ASB7: variants seen among roughly 807,000 people sequenced by gnomAD.
ASB7 encodes the protein ankyrin repeat and SOCS box containing 7.
In ASB7, 4 loss-of-function variants were observed where a neutral mutation model predicts 32.5. That is an observed-to-expected ratio of 0.12 (90% confidence interval 0.06 to 0.28). The LOEUF is 0.28. Ranked by LOEUF, ASB7 falls within the 10% of genes least tolerant of loss-of-function variation. The pLI is 1.00. For missense variants in ASB7, 181 were observed against 407.1 expected, an observed-to-expected ratio of 0.44 and a Z score of 4.78; for synonymous variants, 172 against 155.6, an observed-to-expected ratio of 1.11 and a Z score of -0.78.
intron 4 of ASB7, among the ~76,000 whole-genome samples, chr15:100,615,956 A>G (rs117022893): frequency 0.016 from 2,488 of 152,322 alleles, 31 homozygotes; most frequent in Middle Eastern, 0.071. Flanking sequence ...ATCGTGTTAC[A>G]TTATGTGAGA....
chr15:100,646,143 A>G (rs2039995492), intron 5 of ASB7: 2 of 411,392 alleles, frequency 4.9e-6, no homozygotes, highest in African/African-American at 2.1e-5. Context: ...TTCTCTGGAC[A>G]TTCCACTCCC....
At chr15:100,624,480 A>G (rs1302729338) in intron 4 of ASB7, among the ~76,000 whole-genome samples, 1 of 152,248 alleles carries the variant, frequency 6.6e-6, no homozygotes, top group East Asian at 1.9e-4. Flanking sequence ...GGGATATGTC[A>G]CTACAGATCC....
intron 4 of ASB7, among the ~76,000 whole-genome samples, chr15:100,628,314 A>G (rs765913240): frequency 1.7e-4 from 26 of 152,240 alleles, no homozygotes; most frequent in Admixed American, 5.9e-4. Flanking sequence ...ACCATTTGTC[A>G]TAATATGTTC....
intron 2 of ASB7, among the ~76,000 whole-genome samples, 159 bp downstream of exon 2, chr15:100,603,472 C>T (rs2039591956): frequency 6.7e-6 from 1 of 149,468 alleles, no homozygotes; most frequent in African/African-American, 2.5e-5. Flanking sequence ...TTACCCGTGC[C>T]TGATACTTAA....
intron 2 of ASB7, among the ~76,000 whole-genome samples, chr15:100,607,426 G>A (rs556884905): frequency 6.6e-6 from 1 of 152,302 alleles, no homozygotes; most frequent in East Asian, 1.9e-4. Flanking sequence ...GAAATTACTT[G>A]TTGATGCTTT....
At position 100,649,627 on chromosome 15, in the gene ASB7, A is replaced by G. The variant is rs535867963; in HGVS notation, c.*1165A>G. ...AACATTTCCCATTTTAAGGTTATAT[A>G]CAGTGAGGCTCTTCAGGACAATTAT... is the stretch of plus-strand genomic sequence containing the variant. On this transcript the variant is annotated 3_prime_UTR_variant, in exon 6 of 6. Coordinates refer to ENST00000332783, the MANE Select transcript of ASB7 (RefSeq NM_198243.3). 2 of 152,364 alleles carry G rather than the reference A, an allele frequency of 1.3e-5. No individual in the cohort carries two copies. Among genetic ancestry groups the G allele is most frequent in the Admixed American group, 6.5e-5 (1 of 15,312 alleles). 9.4% of individuals were successfully genotyped at this position (152,364 alleles called of 1,614,324 possible). A position where few individuals can be genotyped will look rare whatever the true frequency, so the allele number is the denominator to read the frequency against.
chr15:100,628,957 C>T (rs1413690835), intron 4 of ASB7, among the ~76,000 whole-genome samples: 2 of 152,148 alleles, frequency 1.3e-5, no homozygotes, highest in Admixed American at 6.5e-5. Flanking sequence ...ACTTAATATA[C>T]CCTAAAACAA....
At chr15:100,608,752 C>T (rs895676814) in intron 2 of ASB7, among the ~76,000 whole-genome samples, 5 of 152,126 alleles carry the variant, frequency 3.3e-5, no homozygotes, top group Non-Finnish European at 7.3e-5. Flanking sequence ...GGCAAGTTGG[C>T]AAACTCTTTA....
intron 3 of ASB7, among the ~76,000 whole-genome samples, chr15:100,610,117 G>C (rs1409590998): frequency 6.6e-6 from 1 of 152,164 alleles, no homozygotes; most frequent in Non-Finnish European, 1.5e-5. Flanking sequence ...AACAGAATAA[G>C]CAAAAACCTA....
chr15:100,632,138 T>C (rs2039888239), intron 5 of ASB7, among the ~76,000 whole-genome samples: 1 of 152,214 alleles, frequency 6.6e-6, no homozygotes, highest in Admixed American at 6.5e-5. Context: ...ACTTTAAAAT[T>C]TGAGCAGATA....
intron 4 of ASB7, among the ~76,000 whole-genome samples, chr15:100,622,995 A>G (rs1385491222): frequency 6.6e-6 from 1 of 152,232 alleles, no homozygotes; most frequent in Non-Finnish European, 1.5e-5. Flanking sequence ...GAATGAAGAG[A>G]CAGCCTGTTG....
At chr15:100,634,465 G>A (rs1306191678) in intron 5 of ASB7, among the ~76,000 whole-genome samples, 1 of 152,172 alleles carries the variant, frequency 6.6e-6, no homozygotes, top group Non-Finnish European at 1.5e-5. Flanking sequence ...GGTAAGTACT[G>A]TTCTCACCGA....
At chr15:100,645,675 A>G (rs577139975) in intron 5 of ASB7, 78 of 1,462,418 alleles carry the variant, frequency 5.3e-5, no homozygotes, top group African/African-American at 5.3e-4. Flanking sequence ...AGGGACGGCA[A>G]CACGAAAGAA....
At chr15:100,631,858 G>GT (rs1383479256) in intron 5 of ASB7, among the ~76,000 whole-genome samples, 4 of 152,220 alleles carry the variant, frequency 2.6e-5, no homozygotes, top group African/African-American at 9.6e-5. Flanking sequence ...GGTGAAGTGT[G>GT]TAACTAATAA....
chr15:100,624,472 G>T (rs1392901001), intron 4 of ASB7, among the ~76,000 whole-genome samples: 3 of 152,168 alleles, frequency 2.0e-5, no homozygotes, highest in Non-Finnish European at 2.9e-5. Context: ...GAGTGGAAGG[G>T]ATATGTCACT....
intron 2 of ASB7, among the ~76,000 whole-genome samples, chr15:100,603,654 CCTTGTTAATTG>C (rs1285501687): frequency 6.6e-6 from 1 of 152,114 alleles, no homozygotes; most frequent in Admixed American, 6.5e-5. Flanking sequence ...TTCCTCAATT[CCTTGTTAATTG>C]CTTGTTAATT....
chr15:100,614,129 T>C lies in ASB7; in HGVS notation c.211+1702T>C, dbSNP rs1355934127. ...CTCTACTAAGAGTAAAAAAATTAGTTGGGCATAGTGGCCAGGTGCCTATGA... is the reference window on the plus strand; with the variant it reads ...CTCTACTAAGAGTAAAAAAATTAGTCGGGCATAGTGGCCAGGTGCCTATGA... On this transcript the variant is annotated intron_variant, in intron 4 of 5. Coordinates refer to ENST00000332783, the MANE Select transcript of ASB7 (RefSeq NM_198243.3). Among the ~76,000 whole-genome samples the C allele has an allele frequency of 3.3e-5, 5 of 152,174 alleles. No homozygotes were observed. In the East Asian group the frequency reaches 9.7e-4, roughly 29 times the overall value.
At chr15:100,635,064 GT>G (rs1186311513) in intron 5 of ASB7, among the ~76,000 whole-genome samples, 1 of 152,132 alleles carries the variant, frequency 6.6e-6, no homozygotes, top group Non-Finnish European at 1.5e-5. Context: ...GGAGGGAAAG[GT>G]TCAAAAGGCA....
rs1230467390 is a variant in ASB7 at position 100,650,285 on chromosome 15, T to C, written c.*1823T>C. 6.6e-6 allele frequency: 1 copy of C among 152,242 alleles called. No individual in the cohort carries two copies. Among genetic ancestry groups the C allele is most frequent in the Non-Finnish European group, 1.5e-5 (1 of 68,084 alleles). 9.4% of individuals were successfully genotyped at this position (152,242 alleles called of 1,614,324 possible). A position where few individuals can be genotyped will look rare whatever the true frequency, so the allele number is the denominator to read the frequency against. On this transcript the variant is annotated 3_prime_UTR_variant, in exon 6 of 6. Transcript: ENST00000332783. ...CCCATAAAAATGTTCCAAAAAGTTATCTCCAGAGAGAGTCCCTTATGAAGA... is the reference window on the plus strand; with the variant it reads ...CCCATAAAAATGTTCCAAAAAGTTACCTCCAGAGAGAGTCCCTTATGAAGA...
Sources: allele counts gnomAD v4.1 joint callset (sites outside exome capture counted in the v4.1 genomes callset), GRCh38; gene constraint gnomAD v4.1.1; transcripts MANE v1.5; gene names NCBI Gene and HGNC (gene_info 2026-07-23, HGNC 2026-07-21).